UBXN2B: variants seen among roughly 807,000 people sequenced by gnomAD.
The protein encoded by UBXN2B is UBX domain-containing protein 2B.
In UBXN2B, 19 loss-of-function variants were observed where a neutral mutation model predicts 37.5. That is an observed-to-expected ratio of 0.51 (90% CI 0.35 to 0.74). The LOEUF is 0.74. Among genes scored for constraint, UBXN2B ranks in the 30% least tolerant of loss-of-function variants. The pLI is 0.01. For missense variants in UBXN2B, 370 were observed against 393.2 expected (o/e 0.94, Z 0.50); for synonymous variants, 145 against 143.8 (o/e 1.01, Z -0.06).
At chr8:58,418,454 A>G (rs1807842167) in intron 2 of UBXN2B, among the ~76,000 whole-genome samples, 1 of 152,142 alleles carries the variant, frequency 6.6e-6, no homozygotes, top group African/African-American at 2.4e-5. Flanking sequence ...TACATAATCT[A>G]AAATTTATTA....
intron 1 of UBXN2B, among the ~76,000 whole-genome samples, chr8:58,414,021 G>A (rs1405432598): frequency 6.6e-6 from 1 of 152,208 alleles, no homozygotes; most frequent in African/African-American, 2.4e-5. Context: ...TACATAGGTT[G>A]GACGGGGAGG....
At chr8:58,436,769 C>T (rs1808422282) in intron 5 of UBXN2B, among the ~76,000 whole-genome samples, 1 of 152,164 alleles carries the variant, frequency 6.6e-6, no homozygotes, top group African/African-American at 2.4e-5. Flanking sequence ...TGTCATACAC[C>T]AGGTCCCCCT....
intron 2 of UBXN2B, among the ~76,000 whole-genome samples, chr8:58,420,460 A>G (rs1199504535): frequency 6.6e-6 from 1 of 152,252 alleles, no homozygotes; most frequent in African/African-American, 2.4e-5. Flanking sequence ...CAACATTTAC[A>G]TGATTCACAT....
intron 3 of UBXN2B, among the ~76,000 whole-genome samples, chr8:58,431,988 GGTCCTTT>G (rs1808291389): frequency 6.6e-6 from 1 of 152,028 alleles, no homozygotes; most frequent in Non-Finnish European, 1.5e-5. Flanking sequence ...AATAGGTATG[GGTCCTTT>G]GTCAGATACA....
chr8:58,439,795 T>TA (rs757719545), intron 6 of UBXN2B, 25 bp downstream of exon 6: 1 of 1,575,574 alleles, frequency 6.3e-7, no homozygotes, highest in South Asian at 1.2e-5. Flanking sequence ...ATGAGAAAAA[T>TA]ACCTTTGTTG....
At position 58,417,227 on chromosome 8, in the gene UBXN2B, C is replaced by G. The variant is rs1057261136; in HGVS notation, c.188+274C>G. ...TGGTAGATATCATATGAAATTATATCCTGAATACTATTTTTCTTGGGCACA... is the reference window on the plus strand; with the variant it reads ...TGGTAGATATCATATGAAATTATATGCTGAATACTATTTTTCTTGGGCACA... On this transcript the variant is annotated intron_variant, in intron 2 of 7. Coordinates refer to ENST00000399598, the MANE Select transcript of UBXN2B (RefSeq NM_001077619.2). Among the ~76,000 whole-genome samples the G allele has an allele frequency of 3.9e-5, 6 of 152,066 alleles. No homozygotes were observed. In the East Asian group the frequency reaches 1.2e-3, roughly 29 times the overall value.
intron 1 of UBXN2B, among the ~76,000 whole-genome samples, chr8:58,412,343 T>C (rs1043537721): frequency 6.6e-6 from 1 of 152,216 alleles, no homozygotes; most frequent in Non-Finnish European, 1.5e-5. Flanking sequence ...CCTTAGTCGG[T>C]GCTGAACTCT....
intron 2 of UBXN2B, among the ~76,000 whole-genome samples, chr8:58,428,799 A>C (rs538575073): frequency 9.9e-5 from 15 of 152,248 alleles, no homozygotes; most frequent in Non-Finnish European, 1.8e-4. Context: ...ACAGTAGACC[A>C]TGGACCAAAA....
intron 6 of UBXN2B, among the ~76,000 whole-genome samples, chr8:58,440,734 C>G (rs1290847850): frequency 6.6e-6 from 1 of 152,134 alleles, no homozygotes; most frequent in Non-Finnish European, 1.5e-5. Context: ...TCAGTTGCCT[C>G]GTGTACACTG....
chr8:58,417,039 T>C, intron 2 of UBXN2B, 86 bp downstream of exon 2: 3 of 1,057,928 alleles, frequency 2.8e-6, no homozygotes, highest in South Asian at 2.1e-5. Context: ...AATGGCCTTC[T>C]TCAAGGTTTC....
chr8:58,428,498 T>C (rs1375877263), intron 2 of UBXN2B, among the ~76,000 whole-genome samples: 1 of 152,268 alleles, frequency 6.6e-6, no homozygotes, highest in African/African-American at 2.4e-5. Flanking sequence ...TTTCCTCCTG[T>C]GTTCCTCTTC....
At chr8:58,413,208 G>T (rs1585589844) in intron 1 of UBXN2B, 1 of 152,062 alleles carries the variant, frequency 6.6e-6, no homozygotes, top group African/African-American at 2.4e-5. Context: ...ACTTGTTGTA[G>T]GTTAGGGCAG....
At chr8:58,439,853 G>A in intron 6 of UBXN2B, 83 bp downstream of exon 6, 1 of 1,415,312 alleles carries the variant, frequency 7.1e-7, no homozygotes, top group Non-Finnish European at 9.4e-7. Flanking sequence ...GACCTATGAA[G>A]TAAAAAACAA....
rs1481542986 is a variant in UBXN2B, at chr8:58,448,371, T to A, written c.*820T>A. The A allele has an allele frequency of 6.6e-6, 1 of 152,082 alleles. No individual in the cohort carries two copies. The highest frequency in any genetic ancestry group is 1.5e-5 in the Non-Finnish European group (1 of 68,038). 9.4% of individuals were successfully genotyped at this position (152,082 alleles called of 1,614,324 possible). A position where few individuals can be genotyped will look rare whatever the true frequency, so the allele number is the denominator to read the frequency against. On this transcript the variant is annotated 3_prime_UTR_variant, in exon 8 of 8. Coordinates refer to ENST00000399598, the MANE Select transcript of UBXN2B (RefSeq NM_001077619.2). ...GTACTTTTGCTAGAGACAGCGTTTC[T>A]CTGTGTTGATCAGGCTGGTCTCGAA...
At chr8:58,438,016 C>G (rs1283443941) in intron 5 of UBXN2B, among the ~76,000 whole-genome samples, 1 of 144,638 alleles carries the variant, frequency 6.9e-6, no homozygotes, top group Admixed American at 7.4e-5. Flanking sequence ...GGAGGCCAAA[C>G]TTGGGGCCCA....
intron 1 of UBXN2B, among the ~76,000 whole-genome samples, chr8:58,416,207 T>C (rs1224330282): frequency 6.6e-6 from 1 of 152,084 alleles, no homozygotes; most frequent in Non-Finnish European, 1.5e-5. Context: ...TTGGATTACT[T>C]TTTAAAATTC....
chr8:58,438,414 A>AG (rs1179847167), intron 5 of UBXN2B, among the ~76,000 whole-genome samples: 2 of 152,224 alleles, frequency 1.3e-5, no homozygotes, highest in Non-Finnish European at 2.9e-5. Flanking sequence ...AACCCATGAG[A>AG]GAAGCCACAG....
intron 2 of UBXN2B, among the ~76,000 whole-genome samples, chr8:58,422,062 A>C (rs1807940536): frequency 6.6e-6 from 1 of 152,256 alleles, no homozygotes; most frequent in South Asian, 2.1e-4. Flanking sequence ...AAAATGGAGA[A>C]TGAGTCAATG....
At chr8:58,432,668 C>T (rs1162026038) in intron 3 of UBXN2B, among the ~76,000 whole-genome samples, 5 of 152,104 alleles carry the variant, frequency 3.3e-5, no homozygotes, top group Non-Finnish European at 5.9e-5. Flanking sequence ...GAGCATGAGC[C>T]ACCTCTATAC....
Sources: allele counts gnomAD v4.1 joint callset (sites outside exome capture counted in the v4.1 genomes callset), GRCh38; gene constraint gnomAD v4.1.1; transcripts MANE v1.5; gene names NCBI Gene and HGNC (gene_info 2026-07-23, HGNC 2026-07-21).